The following LARGE1 variants were observed in gnomAD, a reference collection of about 807,000 sequenced individuals.
LARGE1 encodes the protein xylosyl- and glucuronyltransferase LARGE1.
A neutral mutation model predicts 87.6 loss-of-function variants in LARGE1; 43 were observed. That is an observed-to-expected ratio of 0.49 (90% CI 0.38 to 0.63). LARGE1 has a LOEUF of 0.63. LARGE1 is among the 30% of genes least tolerant of loss of function. LARGE1 has a pLI of 0.00. For missense variants in LARGE1, 802 were observed against 1,000.2 expected (o/e 0.80, Z 2.67); for synonymous variants, 434 against 394.6 (o/e 1.10, Z -1.18).
At chr22:33,634,018 C>T (rs968780943) in intron 3 of LARGE1, among the ~76,000 whole-genome samples, 9 of 152,148 alleles carry the variant, frequency 5.9e-5, no homozygotes, top group East Asian at 1.9e-4. Flanking sequence ...ATCCGTAAAA[C>T]GGAGATAAAA....
At position 33,391,968 on chromosome 22, in the gene LARGE1, A is replaced by G. The variant is rs547600704; in HGVS notation, c.893-7664T>C. ...GTATTTTTAGTAGAGACAGGGTTAC[A>G]CTATGTTGGCCAGGCTGCTCTCGAA... On this transcript the variant is annotated intron_variant, in intron 7 of 14. Coordinates refer to ENST00000397394, the MANE Select transcript of LARGE1 (RefSeq NM_133642.5). Among the ~76,000 whole-genome samples, 202 of 151,696 alleles carry G rather than the reference A, an allele frequency of 1.3e-3. 1 individual carries two copies. The highest frequency in any genetic ancestry group is 4.7e-3 in the African/African-American group (195 of 41,370).
chr22:33,385,472 G>A (rs1159842411), intron 7 of LARGE1, among the ~76,000 whole-genome samples: 1 of 129,000 alleles, frequency 7.8e-6, no homozygotes, highest in East Asian at 2.3e-4. Flanking sequence ...AGGTTGCAGT[G>A]AGCTGAGATC....
intron 11 of LARGE1, among the ~76,000 whole-genome samples, chr22:33,205,646 A>G (rs1459756862): frequency 1.3e-5 from 2 of 152,232 alleles, no homozygotes; most frequent in Non-Finnish European, 2.9e-5. Context: ...AGACCAAAGA[A>G]ACAGGCTCTT....
intron 2 of LARGE1, among the ~76,000 whole-genome samples, chr22:33,728,269 T>C (rs894832561): frequency 2.0e-5 from 3 of 152,086 alleles, no homozygotes; most frequent in Admixed American, 1.3e-4. Context: ...CCAGGCTCAG[T>C]GGCTCACTCC....
chr22:33,210,307 G>A (rs886512950), intron 11 of LARGE1, among the ~76,000 whole-genome samples: 3 of 152,218 alleles, frequency 2.0e-5, no homozygotes, highest in Admixed American at 2.0e-4. Flanking sequence ...GATAGACGGG[G>A]GTGGCACAAG....
At chr22:33,787,813 T>A (rs1467692276) in intron 1 of LARGE1, among the ~76,000 whole-genome samples, 1 of 152,236 alleles carries the variant, frequency 6.6e-6, no homozygotes, top group East Asian at 1.9e-4. Flanking sequence ...TCCATTCAGA[T>A]AGCTTTTGGC....
the LARGE1 span, among the ~76,000 whole-genome samples, chr22:33,068,416 T>C: frequency 0.99 from 149,818 of 151,968 alleles, 73,852 homozygotes; most frequent in East Asian, 1. Context: ...GAGGTCGAGG[T>C]GGGCAGATCA....
At chr22:33,368,972 T>TGGTGGTTGTTGGAAGGTTGG (rs1305344157) in intron 9 of LARGE1, among the ~76,000 whole-genome samples, 1 of 151,936 alleles carries the variant, frequency 6.6e-6, no homozygotes, top group African/African-American at 2.4e-5. Context: ...CTGATCAGGG[T>TGGTGGTTGTTGGAAGGTTGG]GGTGGTTGTT....
chr22:33,088,920 A>T, the LARGE1 span, among the ~76,000 whole-genome samples: 39,989 of 152,108 alleles, frequency 0.26, 5,926 homozygotes, highest in Non-Finnish European at 0.34. Context: ...GAAAGTATTT[A>T]AAAGAGTGCC....
chr22:33,415,784 G>A (rs1390839904), intron 7 of LARGE1, among the ~76,000 whole-genome samples: 1 of 152,170 alleles, frequency 6.6e-6, no homozygotes, highest in Non-Finnish European at 1.5e-5. Context: ...CTTGGCTCAG[G>A]GTCAAGACAT....
intron 12 of LARGE1, among the ~76,000 whole-genome samples, chr22:33,290,113 A>T (rs1470294043): frequency 6.6e-6 from 1 of 152,124 alleles, no homozygotes; most frequent in Admixed American, 6.5e-5. Flanking sequence ...GGAATTACCA[A>T]TCCTCAACCT....
intron 6 of LARGE1, among the ~76,000 whole-genome samples, chr22:33,501,329 A>G (rs924141966): frequency 2.0e-5 from 3 of 152,196 alleles, no homozygotes; most frequent in African/African-American, 7.2e-5. Flanking sequence ...CAGGAAACAG[A>G]AGACGCTGAC....
chr22:33,483,264 C>T (rs1394055613), intron 6 of LARGE1, among the ~76,000 whole-genome samples: 6 of 152,146 alleles, frequency 3.9e-5, no homozygotes, highest in Admixed American at 6.5e-5. Context: ...GACCCCAATA[C>T]GGGCTTTCAT....
At chr22:33,882,743 G>C (rs1301282706) in intron 1 of LARGE1, among the ~76,000 whole-genome samples, 1 of 152,128 alleles carries the variant, frequency 6.6e-6, no homozygotes, top group East Asian at 1.9e-4. Flanking sequence ...GGGACAACAG[G>C]TATGCATCCC....
chr22:33,882,664 C>A (rs1012867390), intron 1 of LARGE1, among the ~76,000 whole-genome samples: 1 of 152,154 alleles, frequency 6.6e-6, no homozygotes, highest in Non-Finnish European at 1.5e-5. Flanking sequence ...TCATACATTC[C>A]ACAGAGTAAA....
At chr22:33,660,651 T>C (rs909387349) in intron 2 of LARGE1, among the ~76,000 whole-genome samples, 32 of 152,330 alleles carry the variant, frequency 2.1e-4, no homozygotes, top group Non-Finnish European at 1.6e-4. Flanking sequence ...TTCATACATA[T>C]GCAATAGTTG....
chr22:33,467,591 T>C (rs1263582332), intron 6 of LARGE1, among the ~76,000 whole-genome samples: 1 of 152,228 alleles, frequency 6.6e-6, no homozygotes, highest in East Asian at 1.9e-4. Context: ...TCCTTTGGAA[T>C]AGAGCATCGC....
chr22:33,319,319 T>C (rs1936488083), intron 10 of LARGE1, among the ~76,000 whole-genome samples: 2 of 152,192 alleles, frequency 1.3e-5, no homozygotes, highest in Admixed American at 6.5e-5. Flanking sequence ...TGCTGGAAGA[T>C]GAGACATCTG....
intron 9 of LARGE1, among the ~76,000 whole-genome samples, chr22:33,349,344 A>T (rs1246968403): frequency 6.6e-6 from 1 of 152,082 alleles, no homozygotes; most frequent in Non-Finnish European, 1.5e-5. Context: ...TTCTCTGGAG[A>T]ATCTAATATA....
Sources: allele counts gnomAD v4.1 joint callset (sites outside exome capture counted in the v4.1 genomes callset), GRCh38; gene constraint gnomAD v4.1.1; transcripts MANE v1.5; gene names NCBI Gene and HGNC (gene_info 2026-07-23, HGNC 2026-07-21).